PHYHIPL: variants seen among roughly 807,000 people sequenced by gnomAD.
PHYHIPL encodes phytanoyl-CoA hydroxylase-interacting protein-like.
A neutral mutation model predicts 33.4 loss-of-function variants in PHYHIPL; 9 were observed. The ratio of observed to expected loss-of-function variants is 0.27; its 90% CI spans 0.16 to 0.47. The LOEUF is 0.47. Among genes scored for constraint, PHYHIPL ranks in the 20% least tolerant of loss-of-function variants. The pLI is 0.99. For missense variants in PHYHIPL, 365 were observed against 460.7 expected (o/e 0.79, Z 1.90); for synonymous variants, 153 against 154.1 (o/e 0.99, Z 0.05).
At chr10:59,230,212 C>T (rs371947215) in intron 1 of PHYHIPL, among the ~76,000 whole-genome samples, 65 of 123,324 alleles carry the variant, frequency 5.3e-4, no homozygotes, top group Middle Eastern at 5.1e-3. Context: ...AAATTGCTTT[C>T]TTTTTTTTTT....
intron 1 of PHYHIPL, chr10:59,219,258 A>G: frequency 1.1e-6 from 1 of 933,648 alleles, no homozygotes; most frequent in Non-Finnish European, 1.3e-6. Context: ...AAGTAGAGTT[A>G]GGAATAAATT....
At chr10:59,231,101 A>G (rs945632101) in intron 1 of PHYHIPL, among the ~76,000 whole-genome samples, 3 of 8,164 alleles carry the variant, frequency 3.7e-4, no homozygotes, top group African/African-American at 5.6e-4. Context: ...TTAGAAGAAA[A>G]AAACAATTTT....
Position 59,189,169 on chromosome 10 carries a change from C to T in PHYHIPL, c.106+12210C>T, listed in dbSNP as rs535252531. Among the ~76,000 whole-genome samples the T allele has an allele frequency of 9.0e-4, 137 of 152,100 alleles. No individual in the cohort carries two copies. The Middle Eastern group carries it at 0.014, about 15-fold the overall frequency. ...TATTCATCTTTCTGTCTTCCATAGT[C>T]TATCTCAAGCTGTCTGTAAATGACC... On this transcript the variant is annotated intron_variant, in intron 1 of 4. Transcript: ENST00000373880.
intron 4 of PHYHIPL, among the ~76,000 whole-genome samples, chr10:59,242,406 C>A (rs894806867): frequency 4.2e-5 from 6 of 142,634 alleles, no homozygotes; most frequent in Admixed American, 6.7e-5. Flanking sequence ...CCATACTCTT[C>A]ACCCACTGGT....
In PHYHIPL at chr10:59,245,201, T is replaced by C. The variant is rs780410034; in HGVS notation, c.741T>C (p.Tyr247=). Residue 247 remains tyrosine, a synonymous_variant, in exon 5 of 5, where the codon TAT becomes TAC. Coordinates refer to ENST00000373880, the MANE Select transcript of PHYHIPL (RefSeq NM_032439.4). ...NTGKPPQDSP[Y]GRYRFEIAAE... is the part of the protein sequence containing the mutation. Reference sequence around the variant, plus strand: ...GAAAGCCACCCCAGGATTCACCTTATGGAAGATACAGGTTTGAGATTGCCG... The same window carrying C: ...GAAAGCCACCCCAGGATTCACCTTACGGAAGATACAGGTTTGAGATTGCCG... 6.2e-7 allele frequency: 1 copy of C among 1,614,192 alleles called. No individual in the cohort carries two copies. The highest frequency in any genetic ancestry group is 8.5e-7 in the Non-Finnish European group (1 of 1,180,016).
In PHYHIPL at chr10:59,236,494, A is replaced by T. The variant is rs141010564; in HGVS notation, c.315A>T (p.Thr105=). Reference sequence around the variant, plus strand: ...TCTTTCATTCCTAGGATGTTCCCACAAAATTGGTGGCAAAAGCTGTTCCCT... The same window carrying T: ...TCTTTCATTCCTAGGATGTTCCCACTAAATTGGTGGCAAAAGCTGTTCCCT... ...SNKFKHKDVP[T]KLVAKAVPLP... Residue 105 remains threonine (T), a synonymous_variant, in exon 3 of 5, where the codon ACA becomes ACT. Coordinates refer to ENST00000373880, the MANE Select transcript of PHYHIPL (RefSeq NM_032439.4). The T allele has an allele frequency of 8.7e-5, 138 of 1,590,718 alleles. No individual in the cohort carries two copies. The African/African-American group carries it at 1.7e-3, about 20-fold the overall frequency.
chr10:59,178,923 T>C (rs1838325777), intron 1 of PHYHIPL, among the ~76,000 whole-genome samples: 1 of 152,168 alleles, frequency 6.6e-6, no homozygotes, highest in Non-Finnish European at 1.5e-5. Context: ...TGAAAATTAC[T>C]ATTTGCAGAC....
Position 59,247,665 on chromosome 10 carries a change from C to G in PHYHIPL, c.*2074C>G, listed in dbSNP as rs1359108134. The G allele has an allele frequency of 6.2e-7, 1 of 1,613,432 alleles. No individual in the cohort carries two copies. Among genetic ancestry groups the G allele is most frequent in the Non-Finnish European group, 8.5e-7 (1 of 1,179,718 alleles). On this transcript the variant is annotated 3_prime_UTR_variant, in exon 5 of 5. Transcript: ENST00000373880. ...TGCTGATGAGGACCTCTAATAGTCT[C>G]AGTTTGGCTTTTATGTGCTTATATT...
chr10:59,204,595 G>A (rs906311918), intron 1 of PHYHIPL, among the ~76,000 whole-genome samples: 1 of 152,082 alleles, frequency 6.6e-6, no homozygotes. Context: ...CTCAGTTTAT[G>A]TTGATTTTGT....
In PHYHIPL at chr10:59,246,814, G is replaced by GAT; in HGVS notation, c.*1224_*1225dup. 1 of 388,976 alleles carries GAT rather than the reference G, an allele frequency of 2.6e-6. No homozygotes were observed. Among genetic ancestry groups the GAT allele is most frequent in the East Asian group, 3.7e-5 (1 of 27,380 alleles). 24.1% of individuals were successfully genotyped at this position (388,976 alleles called of 1,614,324 possible). A position where few individuals can be genotyped will look rare whatever the true frequency, so the allele number is the denominator to read the frequency against. Reference sequence around the variant, plus strand: ...TATATCATCTTATAGTAAACCAAAAGATTAGCAATAATACTATGGACACAT... The same window carrying GAT: ...TATATCATCTTATAGTAAACCAAAAGATATTAGCAATAATACTATGGACACAT... On this transcript the variant is annotated 3_prime_UTR_variant, in exon 5 of 5. Transcript: ENST00000373880.
At chr10:59,193,160 G>A (rs1349443464) in intron 1 of PHYHIPL, among the ~76,000 whole-genome samples, 1 of 152,068 alleles carries the variant, frequency 6.6e-6, no homozygotes, top group Non-Finnish European at 1.5e-5. Flanking sequence ...TACATGTGTG[G>A]TGTCTGAAAG....
intron 1 of PHYHIPL, among the ~76,000 whole-genome samples, chr10:59,182,161 T>G (rs529492159): frequency 6.6e-6 from 1 of 152,332 alleles, no homozygotes; most frequent in South Asian, 2.1e-4. Context: ...CTGGTTTTCC[T>G]TCTCTGCTTT....
chr10:59,181,824 A>C (rs1350622228), intron 1 of PHYHIPL, among the ~76,000 whole-genome samples: 1 of 136,900 alleles, frequency 7.3e-6, no homozygotes. Flanking sequence ...CCAGGAAGTT[A>C]CTAGAGCAAG....
chr10:59,229,346 A>C (rs2133275432), intron 1 of PHYHIPL, among the ~76,000 whole-genome samples: 1 of 152,288 alleles, frequency 6.6e-6, no homozygotes, highest in South Asian at 2.1e-4. Flanking sequence ...TACATCTATA[A>C]CGAGAAGAGA....
intron 1 of PHYHIPL, among the ~76,000 whole-genome samples, chr10:59,200,262 A>G (rs1326543387): frequency 6.6e-6 from 1 of 152,178 alleles, no homozygotes; most frequent in African/African-American, 2.4e-5. Flanking sequence ...AGTTTTTAGC[A>G]TGAAGCGCTG....
chr10:59,190,887 G>A (rs1052652405), intron 1 of PHYHIPL, among the ~76,000 whole-genome samples: 22 of 151,692 alleles, frequency 1.5e-4, no homozygotes, highest in Admixed American at 5.9e-4. Context: ...AAAAATCCCC[G>A]ACTTCAGTGT....
chr10:59,212,508 G>A (rs1839485892), intron 1 of PHYHIPL, among the ~76,000 whole-genome samples: 1 of 152,114 alleles, frequency 6.6e-6, no homozygotes, highest in South Asian at 2.1e-4. Context: ...CCACTCCTAG[G>A]TGGACAGCCA....
chr10:59,206,148 C>G (rs1267892586), intron 1 of PHYHIPL, among the ~76,000 whole-genome samples: 1 of 152,158 alleles, frequency 6.6e-6, no homozygotes, highest in African/African-American at 2.4e-5. Flanking sequence ...TTGCCCAAAT[C>G]CTAGTCCCTC....
At position 59,190,340 on chromosome 10, in the gene PHYHIPL, C is replaced by T. The variant is rs547767591; in HGVS notation, c.106+13381C>T. On this transcript the variant is annotated intron_variant, in intron 1 of 4. Transcript: ENST00000373880. ...ATTCTTCAAATAAACTGATCAAGAC[C>T]AAAAAGAGAAATATTCAGATTTTTG... Among the ~76,000 whole-genome samples the T allele has an allele frequency of 1.7e-4, 26 of 151,524 alleles. No individual in the cohort carries two copies. The South Asian group carries it at 5.0e-3, about 29-fold the overall frequency.
Sources: allele counts gnomAD v4.1 joint callset (sites outside exome capture counted in the v4.1 genomes callset), GRCh38; gene constraint gnomAD v4.1.1; transcripts MANE v1.5; gene names NCBI Gene and HGNC (gene_info 2026-07-23, HGNC 2026-07-21).